The following UGT2A2 variants were observed in gnomAD, a reference collection of about 807,000 sequenced individuals.
UGT2A2 encodes the protein UDP glucuronosyltransferase family 2 member A2.
Under a neutral mutation model 50.7 loss-of-function variants are expected in UGT2A2, and 60 were observed. The ratio of observed to expected loss-of-function variants is 1.18; its 90% CI spans 0.96 to 1.47. The LOEUF (loss-of-function observed/expected upper bound fraction) is 1.47, where lower values mean the gene tolerates loss of function less well. Ranked by LOEUF, UGT2A2 falls within the 40% of genes most tolerant of loss-of-function variation. The probability of loss-of-function intolerance (pLI) is 0.00; values close to 1 mark genes in which losing one functional copy is unlikely to be tolerated. For missense variants in UGT2A2, 762 were observed against 634.0 expected (o/e 1.20, Z -2.17); for synonymous variants, 242 against 214.6 (o/e 1.13, Z -1.11).
At chr4:69,600,828 C>T (rs965850422) in intron 1 of UGT2A2, among the ~76,000 whole-genome samples, 2 of 151,446 alleles carry the variant, frequency 1.3e-5, no homozygotes, top group East Asian at 3.9e-4. Flanking sequence ...AAACAGATCT[C>T]GTGATAACTC....
chr4:69,596,848 C>T (rs143732651), intron 2 of UGT2A2, among the ~76,000 whole-genome samples: 66 of 152,244 alleles, frequency 4.3e-4, no homozygotes, highest in African/African-American at 1.3e-3. Flanking sequence ...AGAGGAAACA[C>T]GTCTCTGAAA....
intron 5 of UGT2A2, among the ~76,000 whole-genome samples, chr4:69,592,609 G>A (rs1413516570): frequency 1.3e-5 from 2 of 152,012 alleles, no homozygotes; most frequent in African/African-American, 4.8e-5. Context: ...AATGCTCATG[G>A]TAAAAATAAT....
At chr4:69,617,702 A>C (rs1230265578) in intron 1 of UGT2A2, among the ~76,000 whole-genome samples, 1 of 151,782 alleles carries the variant, frequency 6.6e-6, no homozygotes, top group East Asian at 1.9e-4. Flanking sequence ...TACTAAAATA[A>C]TATAAATTAT....
At chr4:69,637,284 T>C (rs926809747) in intron 1 of UGT2A2, among the ~76,000 whole-genome samples, 2 of 152,158 alleles carry the variant, frequency 1.3e-5, no homozygotes, top group African/African-American at 4.8e-5. Context: ...GCATATGTTT[T>C]ATATGTGGTA....
rs967145692 is a variant in UGT2A2 at position 69,605,131 on chromosome 4, C to T, written c.743-5737G>A. Among the ~76,000 whole-genome samples the T allele has an allele frequency of 3.7e-5, 5 of 136,788 alleles. 2 individuals carry two copies. The highest frequency in any genetic ancestry group is 3.6e-4 in the Admixed American group (5 of 13,906). 89.7% of individuals were successfully genotyped at this position (136,788 alleles called of 152,430 possible). On this transcript the variant is annotated intron_variant, in intron 1 of 5. Transcript: ENST00000604629. Reference sequence around the variant, plus strand: ...AACAGAATATACATTCTTCTCAGCACCACACCGCACTTATTCCAAAATTGA... The same window carrying T: ...AACAGAATATACATTCTTCTCAGCATCACACCGCACTTATTCCAAAATTGA...
chr4:69,596,112 CACA>C (rs1322822959), intron 3 of UGT2A2, 135 bp downstream of exon 3: 7 of 1,237,068 alleles, frequency 5.7e-6, no homozygotes, highest in East Asian at 2.9e-5. Flanking sequence ...TAATATATTA[CACA>C]ACGTTACTTA....
Position 69,589,439 on chromosome 4 carries a change from A to G in UGT2A2, c.1544T>C (p.Val515Ala). Residue 515 changes from valine to alanine, a missense_variant, in exon 6 of 6, where the codon GTC becomes GCC. Transcript: ENST00000604629. ...ACAGGAAAACAAACAACATTGTATG[A>G]CCAAAAATATAGCCGTTGTCACACA... ...LVCVTTAIFL[V>A]IQCCLFSCQK... The G allele has an allele frequency of 6.2e-7, 1 of 1,614,102 alleles. No individual in the cohort carries two copies. Among genetic ancestry groups the G allele is most frequent in the East Asian group, 2.2e-5 (1 of 44,878 alleles).
chr4:69,608,253 A>G (rs1227541089), intron 1 of UGT2A2, among the ~76,000 whole-genome samples: 1 of 152,148 alleles, frequency 6.6e-6, no homozygotes, highest in Admixed American at 6.5e-5. Flanking sequence ...AAAAATGATG[A>G]GTTCATGTCC....
intron 1 of UGT2A2, among the ~76,000 whole-genome samples, chr4:69,629,970 C>G (rs1721295540): frequency 6.6e-6 from 1 of 151,790 alleles, no homozygotes; most frequent in African/African-American, 2.4e-5. Context: ...ATATTTTTTC[C>G]TTAATCTTGA....
At chr4:69,626,793 A>G (rs1721085890) in intron 1 of UGT2A2, among the ~76,000 whole-genome samples, 1 of 151,788 alleles carries the variant, frequency 6.6e-6, no homozygotes. Context: ...AATGAATTTT[A>G]TTTTATGTGT....
chr4:69,623,901 T>A (rs1720894094), intron 1 of UGT2A2, among the ~76,000 whole-genome samples: 1 of 151,548 alleles, frequency 6.6e-6, no homozygotes, highest in Non-Finnish European at 1.5e-5. Context: ...GATAAAGATT[T>A]TACAAAATTA....
chr4:69,605,334 C>G (rs79395984), intron 1 of UGT2A2, among the ~76,000 whole-genome samples: 25,114 of 135,834 alleles, frequency 0.18, 6,124 homozygotes, highest in Non-Finnish European at 0.22. Flanking sequence ...GGGTACATAA[C>G]GAAATGAAGG....
At chr4:69,611,698 T>C (rs1720070424) in intron 1 of UGT2A2, among the ~76,000 whole-genome samples, 1 of 152,054 alleles carries the variant, frequency 6.6e-6, no homozygotes. Context: ...CCTTTACAAA[T>C]CACTTTTGAG....
Position 69,626,760 on chromosome 4 carries a change from T to C in UGT2A2, c.742+12139A>G, listed in dbSNP as rs118177939. Among the ~76,000 whole-genome samples, 161 of 152,034 alleles carry C rather than the reference T, an allele frequency of 1.1e-3. No individual in the cohort carries two copies. The East Asian group carries it at 0.026, about 25-fold the overall frequency. On this transcript the variant is annotated intron_variant, in intron 1 of 5. Coordinates refer to ENST00000604629, the MANE Select transcript of UGT2A2 (RefSeq NM_001105677.2). ...GAGATTGCTTGTTCATTGAACTGTT[T>C]ATACAGTATAAACTAAAATATTAAT...
At chr4:69,609,780 G>C (rs1488021754) in intron 1 of UGT2A2, among the ~76,000 whole-genome samples, 1 of 152,130 alleles carries the variant, frequency 6.6e-6, no homozygotes, top group Non-Finnish European at 1.5e-5. Context: ...GAGACACATA[G>C]CAAATGTTCA....
At chr4:69,607,233 G>T (rs1271028541) in intron 1 of UGT2A2, among the ~76,000 whole-genome samples, 1 of 140,968 alleles carries the variant, frequency 7.1e-6, no homozygotes, top group African/African-American at 2.7e-5. Flanking sequence ...AAAGACCAAT[G>T]GAACAGAACA....
At chr4:69,613,536 C>G (rs1395460644) in intron 1 of UGT2A2, among the ~76,000 whole-genome samples, 1 of 151,962 alleles carries the variant, frequency 6.6e-6, no homozygotes, top group Admixed American at 6.6e-5. Flanking sequence ...ACAACAACTA[C>G]AGGCCAATAT....
chr4:69,625,640 C>T (rs1177604045), intron 1 of UGT2A2, among the ~76,000 whole-genome samples: 1 of 150,956 alleles, frequency 6.6e-6, no homozygotes, highest in East Asian at 1.9e-4. Flanking sequence ...TCATTATATG[C>T]TTACTTTTAT....
At chr4:69,598,500 A>G (rs1373309534) in intron 2 of UGT2A2, among the ~76,000 whole-genome samples, 1 of 152,084 alleles carries the variant, frequency 6.6e-6, no homozygotes, top group African/African-American at 2.4e-5. Context: ...AAAACCTGAC[A>G]CTATATTTAT....
Sources: gnomAD v4.1 joint callset for allele counts (sites outside exome capture counted in the v4.1 genomes callset) on GRCh38, gnomAD v4.1.1 for gene constraint, MANE v1.5 for transcripts, NCBI Gene and HGNC (gene_info 2026-07-23, HGNC 2026-07-21) for gene names.